The following FIGN variants were observed in gnomAD, a reference collection of about 807,000 sequenced individuals.
The protein encoded by FIGN is fidgetin.
In FIGN, 11 loss-of-function variants were observed where a neutral mutation model predicts 51.3. The ratio of observed to expected loss-of-function variants is 0.21; its 90% CI spans 0.13 to 0.35. The LOEUF is 0.35. Among genes scored for constraint, FIGN ranks in the 10% least tolerant of loss-of-function variants. FIGN has a pLI of 1.00. For synonymous variants in FIGN, 407 were observed against 363.2 expected, an observed-to-expected ratio of 1.12 and a Z score of -1.37; for missense variants, 857 against 943.6, an observed-to-expected ratio of 0.91 and a Z score of 1.20.
chr2:163,709,176 T>C (rs923629593), intron 2 of FIGN, among the ~76,000 whole-genome samples: 3 of 152,112 alleles, frequency 2.0e-5, no homozygotes, highest in East Asian at 3.9e-4. Context: ...ATACATCACC[T>C]TGCAGTAAGG....
At chr2:163,654,775 AT>A (rs1236062096) in intron 2 of FIGN, among the ~76,000 whole-genome samples, 4 of 152,204 alleles carry the variant, frequency 2.6e-5, no homozygotes, top group African/African-American at 9.6e-5. Context: ...CCTCATTTAC[AT>A]GTGTATGCTC....
chr2:163,710,784 C>T (rs1319015597), intron 2 of FIGN, among the ~76,000 whole-genome samples: 1 of 152,076 alleles, frequency 6.6e-6, no homozygotes, highest in Non-Finnish European at 1.5e-5. Flanking sequence ...GATGAAGGTA[C>T]TACTTTATCT....
At chr2:163,660,726 TATACAC>T (rs1249454720) in intron 2 of FIGN, among the ~76,000 whole-genome samples, 3 of 102,402 alleles carry the variant, frequency 2.9e-5, no homozygotes, top group Admixed American at 1.2e-4. Flanking sequence ...CATATATATG[TATACAC>T]ATATACATAT....
intron 2 of FIGN, among the ~76,000 whole-genome samples, chr2:163,692,599 A>C (rs1031115012): frequency 6.6e-6 from 1 of 152,336 alleles, no homozygotes; most frequent in South Asian, 2.1e-4. Flanking sequence ...GATTCCCGAA[A>C]GGGTTTGAAT....
At chr2:163,686,935 GA>G (rs1169973368) in intron 2 of FIGN, among the ~76,000 whole-genome samples, 15 of 151,490 alleles carry the variant, frequency 9.9e-5, no homozygotes, top group Admixed American at 2.0e-4. Context: ...TATTTGTAAA[GA>G]GTGTTATTAT....
intron 2 of FIGN, among the ~76,000 whole-genome samples, chr2:163,664,033 A>G (rs1214968375): frequency 6.6e-6 from 1 of 152,188 alleles, no homozygotes; most frequent in Non-Finnish European, 1.5e-5. Flanking sequence ...GTCTTTGGGC[A>G]GTTAGTGGCT....
intron 2 of FIGN, among the ~76,000 whole-genome samples, chr2:163,720,310 A>G (rs1053976193): frequency 1.3e-5 from 2 of 152,242 alleles, no homozygotes; most frequent in Non-Finnish European, 2.9e-5. Flanking sequence ...GGACATATGC[A>G]TGACTAAACT....
chr2:163,609,463 C>T lies in FIGN; in HGVS notation c.*89G>A. 1.8e-6 allele frequency: 2 copies of T among 1,142,658 alleles called. No individual in the cohort carries two copies. Among genetic ancestry groups the T allele is most frequent in the Non-Finnish European group, 1.2e-6 (1 of 812,134 alleles). 70.8% of individuals were successfully genotyped at this position (1,142,658 alleles called of 1,614,324 possible). ...TCCCCAGTACCCTTTGCAATTTAAA[C>T]TCTACTGGAAAGGGGCTCTATTCCC... On this transcript the variant is annotated 3_prime_UTR_variant, in exon 3 of 3. Transcript: ENST00000333129.
At chr2:163,620,905 A>G (rs1189939696) in intron 2 of FIGN, among the ~76,000 whole-genome samples, 1 of 150,508 alleles carries the variant, frequency 6.6e-6, no homozygotes, top group East Asian at 2.0e-4. Flanking sequence ...CTAAATGCAA[A>G]GCCCAATTTA....
intron 2 of FIGN, among the ~76,000 whole-genome samples, chr2:163,645,189 G>A (rs1683363228): frequency 6.6e-6 from 1 of 152,168 alleles, no homozygotes; most frequent in South Asian, 2.1e-4. Context: ...ATTAGAGACA[G>A]ATGGAACACT....
In FIGN at chr2:163,609,746, A is replaced by G. The variant is rs1434323664; in HGVS notation, c.2086T>C (p.Leu696=). ...GGGCCCACCACTGCTTCCTGACACA[A>G]ATGAGCCACATCTAGTCCAGAAAAG... ...EGFSGLDVAH[L]CQEAVVGPLH... is the part of the protein sequence containing the mutation. Residue 696 remains leucine (L), a synonymous_variant, in exon 3 of 3, where the codon TTG becomes CTG. Transcript: ENST00000333129. The G allele has an allele frequency of 6.2e-7, 1 of 1,614,142 alleles. No homozygotes were observed. Among genetic ancestry groups the G allele is most frequent in the East Asian group, 2.2e-5 (1 of 44,850 alleles).
At chr2:163,624,691 C>CATACATAT (rs1683027004) in intron 2 of FIGN, among the ~76,000 whole-genome samples, 1 of 141,286 alleles carries the variant, frequency 7.1e-6, no homozygotes, top group Middle Eastern at 3.4e-3. Context: ...TATATACATA[C>CATACATAT]ATATATATAT....
In FIGN at chr2:163,728,477, A is replaced by C. The variant is rs571924584; in HGVS notation, c.25+6426T>G. Among the ~76,000 whole-genome samples the C allele has an allele frequency of 2.6e-5, 4 of 152,166 alleles. No individual in the cohort carries two copies. In the South Asian group the frequency reaches 8.3e-4, roughly 32 times the overall value. ...GAATACTTGAGCAAAAAGTCACATG[A>C]TATATAGGAGATATATGAGACACAG... is the stretch of plus-strand genomic sequence containing the variant. On this transcript the variant is annotated intron_variant, in intron 2 of 2. Coordinates refer to ENST00000333129, the MANE Select transcript of FIGN (RefSeq NM_018086.4).
intron 2 of FIGN, among the ~76,000 whole-genome samples, chr2:163,725,785 G>A (rs953449419): frequency 6.6e-6 from 1 of 152,030 alleles, no homozygotes; most frequent in South Asian, 2.1e-4. Flanking sequence ...GCTTATTAAA[G>A]AACAAAACAT....
intron 2 of FIGN, among the ~76,000 whole-genome samples, chr2:163,660,059 T>G (rs747221102): frequency 2.6e-4 from 40 of 151,434 alleles, no homozygotes; most frequent in Non-Finnish European, 4.7e-4. Context: ...CAAGATTGCA[T>G]CACTGCACTC....
At position 163,611,742 on chromosome 2, in the gene FIGN, T is replaced by C. The variant is rs918591884; in HGVS notation, c.90A>G (p.Ser30=). The change falls in exon 3 of 3, where the codon TCA becomes TCG. Residue 30 remains serine (S), a synonymous_variant. Transcript: ENST00000333129. ...QWPEQHFDIT[S]TTRSPAHKVE... Reference sequence around the variant, plus strand: ...CTTTGTGGGCAGGAGACCGAGTGGTTGAGGTGATGTCAAAGTGCTGTTCTG... The same window carrying C: ...CTTTGTGGGCAGGAGACCGAGTGGTCGAGGTGATGTCAAAGTGCTGTTCTG... 1.2e-6 allele frequency: 2 copies of C among 1,613,978 alleles called. No homozygotes were observed. Among genetic ancestry groups the C allele is most frequent in the Non-Finnish European group, 1.7e-6 (2 of 1,179,976 alleles).
chr2:163,679,073 A>G (rs890278444), intron 2 of FIGN, among the ~76,000 whole-genome samples: 8 of 152,198 alleles, frequency 5.3e-5, no homozygotes, highest in Non-Finnish European at 1.2e-4. Flanking sequence ...CAATTGAATA[A>G]TTGTGTTACT....
At chr2:163,664,608 T>C (rs1683744130) in intron 2 of FIGN, among the ~76,000 whole-genome samples, 1 of 152,198 alleles carries the variant, frequency 6.6e-6, no homozygotes, top group Non-Finnish European at 1.5e-5. Context: ...TGTTCTCCTA[T>C]ATTTAAACCA....
chr2:163,674,779 A>T (rs1683931064), intron 2 of FIGN, among the ~76,000 whole-genome samples: 2 of 152,240 alleles, frequency 1.3e-5, no homozygotes. Flanking sequence ...AAAGAATTGC[A>T]TGATCATCAC....
Sources: allele counts gnomAD v4.1 joint callset (sites outside exome capture counted in the v4.1 genomes callset), GRCh38; gene constraint gnomAD v4.1.1; transcripts MANE v1.5; gene names NCBI Gene and HGNC (gene_info 2026-07-23, HGNC 2026-07-21).